The following RIMBP2 variants were observed in gnomAD, a reference collection of about 807,000 sequenced individuals.
The protein encoded by RIMBP2 is RIMS binding protein 2.
RIMBP2 carries 48 observed loss-of-function variants against 118.6 expected under a neutral mutation model. The ratio of observed to expected loss-of-function variants is 0.40; its 90% confidence interval spans 0.32 to 0.51. RIMBP2 has a LOEUF of 0.51. RIMBP2 is among the 20% of genes least tolerant of loss of function. The pLI is 0.41. For missense variants in RIMBP2, 1,551 were observed against 1,768.3 expected (o/e 0.88, Z 2.20); for synonymous variants, 762 against 742.9 (o/e 1.03, Z -0.42).
intron 1 of RIMBP2, among the ~76,000 whole-genome samples, chr12:130,671,366 C>A (rs56276516): frequency 0.021 from 3,167 of 152,328 alleles, 44 homozygotes; most frequent in South Asian, 0.045. Flanking sequence ...TGACTTGCGT[C>A]TTTCCCTCCA....
chr12:130,408,669 C>G (rs2075407429), intron 19 of RIMBP2, among the ~76,000 whole-genome samples: 1 of 152,214 alleles, frequency 6.6e-6, no homozygotes, highest in South Asian at 2.1e-4. Flanking sequence ...AATCACGAAA[C>G]CCCTGTCAGA....
At position 130,525,766 on chromosome 12, in the gene RIMBP2, G is replaced by A. The variant is rs1365931280; in HGVS notation, c.-216-7849C>T. Among the ~76,000 whole-genome samples, 2 of 152,096 alleles carry A rather than the reference G, an allele frequency of 1.3e-5. No homozygotes were observed. The highest frequency in any genetic ancestry group is 4.8e-5 in the African/African-American group (2 of 41,396). On this transcript the variant is annotated intron_variant, in intron 2 of 22. Transcript: ENST00000690449. The surrounding 1 kb of genome is among the most constrained non-coding windows in gnomAD (Gnocchi z 4.4). ...TTTGATCCCCTGGGCTTCTACGCTG[G>A]GCCAAGAACCAACATAAGCTCTTTG...
intron 1 of RIMBP2, among the ~76,000 whole-genome samples, chr12:130,629,358 G>A (rs1388473694): frequency 6.6e-6 from 1 of 152,180 alleles, no homozygotes; most frequent in Non-Finnish European, 1.5e-5. Flanking sequence ...TTAGGCCCAA[G>A]CATGAGTAAG....
At chr12:130,697,502 G>A (rs962041973) in intron 1 of RIMBP2, among the ~76,000 whole-genome samples, 3 of 152,076 alleles carry the variant, frequency 2.0e-5, no homozygotes, top group African/African-American at 7.2e-5. Context: ...CAGCCTGGGT[G>A]CAGAGGGAGA....
At chr12:130,448,399 G>GC (rs1194293076) in intron 9 of RIMBP2, among the ~76,000 whole-genome samples, 1 of 152,204 alleles carries the variant, frequency 6.6e-6, no homozygotes, top group African/African-American at 2.4e-5. Context: ...ATCGTAGGTC[G>GC]CATGTGGCAG....
rs1463877500 is a variant in RIMBP2, at chr12:130,647,425, C to T, written c.-351-18969G>A. Among the ~76,000 whole-genome samples the T allele has an allele frequency of 2.0e-5, 3 of 146,490 alleles. 1 individual carries two copies. Among genetic ancestry groups the T allele is most frequent in the Admixed American group, 6.9e-5 (1 of 14,556 alleles). On this transcript the variant is annotated intron_variant, in intron 1 of 22. Coordinates refer to ENST00000690449, the MANE Select transcript of RIMBP2 (RefSeq NM_001393629.1). Reference sequence around the variant, plus strand: ...AAACAACAGCCAAGGGAGTTAGAGTCAGGAGATGTTTGCTTCCCTATAGAA... The same window carrying T: ...AAACAACAGCCAAGGGAGTTAGAGTTAGGAGATGTTTGCTTCCCTATAGAA...
At position 130,523,975 on chromosome 12, in the gene RIMBP2, C is replaced by T. The variant is rs75332139; in HGVS notation, c.-216-6058G>A. ...TCTGGCTCTCAGGATCTGGTATCCA[C>T]GCTACAGGATTCAAAACCATGAACA... On this transcript the variant is annotated intron_variant, in intron 2 of 22. Transcript: ENST00000690449. This position sits in a 1 kb window ranked among gnomAD's most constrained non-coding sequence, Gnocchi z 4.4. 0.047 allele frequency among the ~76,000 whole-genome samples: 7,217 copies of T among 152,232 alleles called. 202 individuals are homozygous for T. Among genetic ancestry groups the T allele is most frequent in the South Asian group, 0.075 (362 of 4,820 alleles).
rs1001751361 is a variant in RIMBP2, at chr12:130,664,379, G to A, written c.-351-35923C>T. On this transcript the variant is annotated intron_variant, in intron 1 of 22. Transcript: ENST00000690449. ...CACACACATATGCACGTGCATGCAC[G>A]CACGCGCATGCACACACACGCACGC... 1.1e-4 allele frequency among the ~76,000 whole-genome samples: 14 copies of A among 127,822 alleles called. No individual in the cohort carries two copies. The East Asian group carries it at 1.4e-3, about 13-fold the overall frequency. The allele number at this position is 127,822 out of a possible 152,430, so 83.9% of individuals were successfully genotyped here.
chr12:130,707,664 G>C (rs1949592503), intron 1 of RIMBP2, among the ~76,000 whole-genome samples: 1 of 152,156 alleles, frequency 6.6e-6, no homozygotes, highest in South Asian at 2.1e-4. Flanking sequence ...GGAGCCCTCT[G>C]GCTGCTGTGT....
intron 3 of RIMBP2, among the ~76,000 whole-genome samples, chr12:130,514,046 C>T (rs2051186311): frequency 6.6e-6 from 1 of 152,194 alleles, no homozygotes; most frequent in Non-Finnish European, 1.5e-5. Flanking sequence ...AGATGCTCAG[C>T]CCAAGAGACA....
intron 11 of RIMBP2, among the ~76,000 whole-genome samples, chr12:130,439,632 TCTGTGG>T: frequency 2.3e-5 from 2 of 85,124 alleles, no homozygotes; most frequent in Non-Finnish European, 4.5e-5. Context: ...TGTGGGGGTG[TCTGTGG>T]GTGTGTGTGG....
In RIMBP2 at chr12:130,441,401, A is replaced by AAATAATAATAATAAT. The variant is rs58605863; in HGVS notation, c.1504+432_1504+446dup. On this transcript the variant is annotated intron_variant, in intron 11 of 22. Coordinates refer to ENST00000690449, the MANE Select transcript of RIMBP2 (RefSeq NM_001393629.1). ...GGGTGACAGAGCGAGACTCCATCTC[A>AAATAATAATAATAAT]AATAATAATAATAATAATAATAATA... 3.3e-4 allele frequency among the ~76,000 whole-genome samples: 40 copies of AAATAATAATAATAAT among 122,898 alleles called. 1 individual carries two copies. The highest frequency in any genetic ancestry group is 5.7e-4 in the African/African-American group (20 of 34,864). The allele number at this position is 122,898 out of a possible 152,430, so 80.6% of individuals were successfully genotyped here. A position where few individuals can be genotyped will look rare whatever the true frequency, so the allele number is the denominator to read the frequency against.
intron 4 of RIMBP2, among the ~76,000 whole-genome samples, chr12:130,499,178 A>C (rs1165883152): frequency 6.6e-6 from 1 of 152,182 alleles, no homozygotes; most frequent in Non-Finnish European, 1.5e-5. Context: ...ACTCACCATC[A>C]CAACAGCAAG....
intron 2 of RIMBP2, among the ~76,000 whole-genome samples, chr12:130,577,296 T>C (rs2058149358): frequency 6.6e-6 from 1 of 152,214 alleles, no homozygotes; most frequent in Non-Finnish European, 1.5e-5. Flanking sequence ...TGGTGCCTAA[T>C]AAACGCTAGC....
intron 2 of RIMBP2, among the ~76,000 whole-genome samples, chr12:130,526,966 G>A (rs1038226393): frequency 3.9e-5 from 6 of 152,092 alleles, no homozygotes; most frequent in Non-Finnish European, 7.4e-5. Flanking sequence ...CCTGAACTAA[G>A]GAGAGAAGGA....
At chr12:130,714,034 T>C (rs1031600210) in intron 1 of RIMBP2, among the ~76,000 whole-genome samples, 1 of 152,206 alleles carries the variant, frequency 6.6e-6, no homozygotes, top group Non-Finnish European at 1.5e-5. Flanking sequence ...CTGAGATTTG[T>C]AGCCCCTTAA....
At chr12:130,700,698 G>A (rs1385496877) in intron 1 of RIMBP2, among the ~76,000 whole-genome samples, 4 of 152,194 alleles carry the variant, frequency 2.6e-5, no homozygotes, top group Non-Finnish European at 4.4e-5. Flanking sequence ...AGACTTTCGC[G>A]TTCAGAACTG....
chr12:130,687,729 C>T (rs1347916356), intron 1 of RIMBP2, among the ~76,000 whole-genome samples: 1 of 152,180 alleles, frequency 6.6e-6, no homozygotes, highest in Non-Finnish European at 1.5e-5. Context: ...TATAGACTTT[C>T]AGACATCTTT....
rs2061036342 is a variant in RIMBP2 at position 130,617,736 on chromosome 12, T to C, written c.-217+10586A>G. Among the ~76,000 whole-genome samples the C allele has an allele frequency of 6.6e-6, 1 of 152,136 alleles. No homozygotes were observed. The highest frequency in any genetic ancestry group is 2.4e-5 in the African/African-American group (1 of 41,434). ...TCGAAGGTCCGCAGATGCACCCCAG[T>C]TCTGAATTCACAGAATGCACGCAAA... On this transcript the variant is annotated intron_variant, in intron 2 of 22. Transcript: ENST00000690449. This position sits in a 1 kb window ranked among gnomAD's most constrained non-coding sequence, Gnocchi z 4.6.
Sources: allele counts gnomAD v4.1 joint callset (sites outside exome capture counted in the v4.1 genomes callset), GRCh38; gene constraint gnomAD v4.1.1; non-coding constraint Gnocchi (gnomAD v3.1); transcripts MANE v1.5; gene names NCBI Gene and HGNC (gene_info 2026-07-23, HGNC 2026-07-21).